Variants in PCDHA12 observed in about 807,000 individuals in gnomAD.
PCDHA12 encodes protocadherin alpha-12.
PCDHA12 carries 44 observed loss-of-function variants against 60.0 expected under a neutral mutation model. The ratio of observed to expected loss-of-function variants is 0.73; its 90% CI spans 0.58 to 0.94. PCDHA12 has a LOEUF of 0.94. Among genes scored for constraint, PCDHA12 ranks in the 40% least tolerant of loss-of-function variants. PCDHA12 has a pLI of 0.00. For missense variants in PCDHA12, 1,276 were observed against 1,239.7 expected (o/e 1.03, Z -0.44); for synonymous variants, 569 against 553.0 (o/e 1.03, Z -0.40).
At chr5:140,949,991 A>T (rs1585353048) in intron 1 of PCDHA12, among the ~76,000 whole-genome samples, 1 of 151,822 alleles carries the variant, frequency 6.6e-6, no homozygotes, top group East Asian at 1.9e-4. Flanking sequence ...AACTTTTCTC[A>T]GTCCACTTAA....
At chr5:140,942,147 T>C (rs2093240437) in intron 1 of PCDHA12, among the ~76,000 whole-genome samples, 1 of 152,236 alleles carries the variant, frequency 6.6e-6, no homozygotes, top group Non-Finnish European at 1.5e-5. Flanking sequence ...TTACTTGACA[T>C]AAAACAGCTT....
At chr5:140,920,000 A>T (rs1486623735) in intron 1 of PCDHA12, among the ~76,000 whole-genome samples, 1 of 152,178 alleles carries the variant, frequency 6.6e-6, no homozygotes, top group Non-Finnish European at 1.5e-5. Flanking sequence ...GACACAGAGG[A>T]AAAGGCCATG....
intron 1 of PCDHA12, chr5:140,882,955 C>T: frequency 6.2e-7 from 1 of 1,614,178 alleles, no homozygotes; most frequent in East Asian, 2.2e-5. Context: ...TTCAGCTGCT[C>T]ATCACGATTC....
intron 1 of PCDHA12, among the ~76,000 whole-genome samples, chr5:140,879,397 G>A (rs973374921): frequency 6.6e-6 from 1 of 152,188 alleles, no homozygotes; most frequent in Non-Finnish European, 1.5e-5. Context: ...AACAGTTTGT[G>A]TGTATTTGAG....
At chr5:140,900,058 C>G (rs1013599044) in intron 1 of PCDHA12, among the ~76,000 whole-genome samples, 1 of 152,160 alleles carries the variant, frequency 6.6e-6, no homozygotes, top group Non-Finnish European at 1.5e-5. Flanking sequence ...GATCCTTTAA[C>G]CTCAGCCTCC....
At chr5:140,927,089 TC>T in intron 1 of PCDHA12, 1 of 1,612,460 alleles carries the variant, frequency 6.2e-7, no homozygotes, top group Non-Finnish European at 8.5e-7. Context: ...GAGCTCTACT[TC>T]GGGGTGGATC....
chr5:140,987,043 A>G (rs1406153632), intron 3 of PCDHA12, among the ~76,000 whole-genome samples: 5 of 151,912 alleles, frequency 3.3e-5, no homozygotes, highest in Non-Finnish European at 7.4e-5. Flanking sequence ...GCGAAACCCC[A>G]TCTCTACTAA....
chr5:140,978,701 G>A (rs1240672824), intron 1 of PCDHA12, among the ~76,000 whole-genome samples: 1 of 152,236 alleles, frequency 6.6e-6, no homozygotes, highest in African/African-American at 2.4e-5. Context: ...AAAGCCAAAG[G>A]TGGCCTTTAC....
chr5:140,983,504 G>A (rs2097054493), intron 3 of PCDHA12, among the ~76,000 whole-genome samples: 1 of 152,160 alleles, frequency 6.6e-6, no homozygotes, highest in Non-Finnish European at 1.5e-5. Flanking sequence ...GCCATAATAT[G>A]CCTAGACACT....
chr5:140,959,163 C>T (rs246007), intron 1 of PCDHA12, among the ~76,000 whole-genome samples: 85,446 of 151,632 alleles, frequency 0.56, 24,671 homozygotes, highest in African/African-American at 0.69. Context: ...GATTGCTTGA[C>T]CCCAGGAGTT....
chr5:140,911,055 G>A lies in PCDHA12; in HGVS notation c.2367+33216G>A, dbSNP rs576580251. The stretch of plus-strand genomic sequence containing the variant: ...CTAGAAGCAAACAGGGGTGGTGGGG[G>A]GTGGGTCCTGAGGAGAATCAACATT... On this transcript the variant is annotated intron_variant, in intron 1 of 3. Transcript: ENST00000398631. 5.3e-5 allele frequency among the ~76,000 whole-genome samples: 8 copies of A among 152,158 alleles called. 1 individual carries two copies. The highest frequency in any genetic ancestry group is 5.2e-4 in the Admixed American group (8 of 15,266).
At chr5:140,950,219 C>G (rs1173605199) in intron 1 of PCDHA12, among the ~76,000 whole-genome samples, 4 of 151,898 alleles carry the variant, frequency 2.6e-5, no homozygotes, top group African/African-American at 9.7e-5. Flanking sequence ...TAGTCATTTA[C>G]CATTTCTAGT....
rs782169362 is a variant in PCDHA12 at position 140,979,015 on chromosome 5, T to A, written c.2426+8T>A. The A allele has an allele frequency of 6.2e-7, 1 of 1,613,920 alleles. No homozygotes were observed. Among genetic ancestry groups the A allele is most frequent in the Non-Finnish European group, 8.5e-7 (1 of 1,179,908 alleles). On this transcript the variant is annotated splice_region_variant and intron_variant, in intron 2 of 3. Coordinates refer to ENST00000398631, the MANE Select transcript of PCDHA12 (RefSeq NM_018903.4). ...GAGAGCAGGCATGCACAGGTATGTA[T>A]TTCCCTCCTCATTCACTCAGAAGTA...
At chr5:140,963,346 A>G (rs2095758163) in intron 1 of PCDHA12, among the ~76,000 whole-genome samples, 1 of 152,236 alleles carries the variant, frequency 6.6e-6, no homozygotes, top group Non-Finnish European at 1.5e-5. Flanking sequence ...TTGTAAATTT[A>G]GTTCTTTTCA....
chr5:140,888,712 A>G (rs567823119), intron 1 of PCDHA12, among the ~76,000 whole-genome samples: 34 of 152,168 alleles, frequency 2.2e-4, no homozygotes, highest in Non-Finnish European at 4.1e-4. Flanking sequence ...GGAATGTGAA[A>G]TATTTCCAGC....
At chr5:141,007,974 A>G (rs2098354254) in intron 3 of PCDHA12, among the ~76,000 whole-genome samples, 1 of 152,220 alleles carries the variant, frequency 6.6e-6, no homozygotes, top group Non-Finnish European at 1.5e-5. Flanking sequence ...GGTGTCTGTC[A>G]TGTATATATG....
chr5:141,002,374 C>T (rs1228476890), intron 3 of PCDHA12, among the ~76,000 whole-genome samples: 1 of 152,220 alleles, frequency 6.6e-6, no homozygotes, highest in Non-Finnish European at 1.5e-5. Context: ...CTCATTCTGG[C>T]TTAGGGCTCC....
intron 1 of PCDHA12, among the ~76,000 whole-genome samples, chr5:140,890,386 A>G (rs905205351): frequency 6.6e-6 from 1 of 152,202 alleles, no homozygotes; most frequent in Admixed American, 6.5e-5. Flanking sequence ...TCTTTCTTAG[A>G]TAATCTATAA....
At chr5:140,936,144 T>C (rs1386720304) in intron 1 of PCDHA12, among the ~76,000 whole-genome samples, 2 of 152,158 alleles carry the variant, frequency 1.3e-5, no homozygotes, top group African/African-American at 4.8e-5. Flanking sequence ...CTGCCCGCCT[T>C]GGCCTCCTAA....
Sources: allele counts gnomAD v4.1 joint callset (sites outside exome capture counted in the v4.1 genomes callset), GRCh38; gene constraint gnomAD v4.1.1; transcripts MANE v1.5; gene names NCBI Gene and HGNC (gene_info 2026-07-23, HGNC 2026-07-21).